PIDD1: variants seen among roughly 807,000 people sequenced by gnomAD.
PIDD1 encodes p53-induced death domain protein 1, also known as p53-induced death domain-containing protein 1.
A neutral mutation model predicts 80.0 loss-of-function variants in PIDD1; 72 were observed. That is an observed-to-expected ratio of 0.90 (90% confidence interval 0.74 to 1.09). PIDD1 has a LOEUF of 1.09. Ranked by LOEUF, PIDD1 falls within the 50% of genes least tolerant of loss-of-function variation. The probability of loss-of-function intolerance (pLI) is 0.00; values close to 1 mark genes in which losing one functional copy is unlikely to be tolerated. For synonymous variants in PIDD1, 655 were observed against 543.5 expected, an observed-to-expected ratio of 1.21 and a Z score of -2.85; for missense variants, 1,329 against 1,228.3, an observed-to-expected ratio of 1.08 and a Z score of -1.23.
chr11:807,564 T>A (rs540548725), upstream of PIDD1, among the ~76,000 whole-genome samples: 5 of 150,966 alleles, frequency 3.3e-5, no homozygotes, highest in African/African-American at 1.2e-4. Flanking sequence ...GATCACGAGG[T>A]CAGGAGATCG....
upstream of PIDD1, chr11:805,618 C>T (rs909304730): frequency 3.0e-6 from 3 of 985,296 alleles, no homozygotes; most frequent in African/African-American, 5.2e-5. Flanking sequence ...GCACCCACCC[C>T]TGCTACAAGC....
At chr11:808,576 T>G (rs1190748872), upstream of PIDD1, among the ~76,000 whole-genome samples, 1 of 152,148 alleles carries the variant, frequency 6.6e-6, no homozygotes, top group East Asian at 1.9e-4. Context: ...GGCACACGCC[T>G]GTGGTCTCCG....
chr11:799,930 G>C lies in PIDD1; in HGVS notation c.2359C>G (p.Leu787Val), dbSNP rs745884349. The C allele has an allele frequency of 2.5e-6, 4 of 1,612,678 alleles. No individual in the cohort carries two copies. In the South Asian group the frequency reaches 3.3e-5, roughly 13 times the overall value. Residue 787 changes from leucine (L) to valine (V), a missense_variant, in exon 15 of 16, where the codon CTG becomes GTG. By Grantham distance (32) the Leu-to-Val change is conservative. Transcript: ENST00000347755. Reference protein sequence around the residue: ...LNLGDAETGFLTQSNLLSVAG... With the variant: ...LNLGDAETGFVTQSNLLSVAG... ...ACACTCAGCAGGTTGCTCTGCGTCA[G>C]AAAGCCGGTCTCGGCATCTCCCAGA...
chr11:802,929 A>G (rs1257044395), intron 3 of PIDD1, 38 bp from the exon 4 acceptor site: 1 of 1,513,562 alleles, frequency 6.6e-7, no homozygotes. Flanking sequence ...GCACCAGCCC[A>G]GCCCACGGCG....
chr11:808,431 GA>G (rs559149082), upstream of PIDD1, among the ~76,000 whole-genome samples: 58 of 138,600 alleles, frequency 4.2e-4, no homozygotes, highest in South Asian at 1.6e-3. Flanking sequence ...CAGAAAAAAA[GA>G]AAAAAAAAAG....
chr11:803,693 C>T, intron 2 of PIDD1, 106 bp from the exon 3 acceptor site: 1 of 1,257,770 alleles, frequency 8.0e-7, no homozygotes, highest in Non-Finnish European at 1.1e-6. Flanking sequence ...GACCTCCCAC[C>T]CCACCCCCAC....
chr11:805,378 G>A (rs2133817098), upstream of PIDD1: 1 of 360,986 alleles, frequency 2.8e-6, no homozygotes, highest in East Asian at 1.6e-4. Flanking sequence ...CCCTCCGCCT[G>A]TCGCAGCCCC....
intron 3 of PIDD1, 46 bp downstream of exon 3, chr11:803,128 G>A (rs1243600266): frequency 7.2e-7 from 1 of 1,392,752 alleles, no homozygotes; most frequent in East Asian, 2.3e-5. Flanking sequence ...CAGGCTTCAG[G>A]GACCCTCCCG....
In PIDD1 at chr11:801,458, C is replaced by G. The variant is rs768597585; in HGVS notation, c.1469G>C (p.Arg490Pro). 2 of 1,544,726 alleles carry G rather than the reference C, an allele frequency of 1.3e-6. No homozygotes were observed. Among genetic ancestry groups the G allele is most frequent in the Non-Finnish European group, 1.7e-6 (2 of 1,142,970 alleles). The change falls in exon 8 of 16, where the codon CGA (arginine) becomes CCA (proline). Residue 490 changes from arginine (R) to proline (P), a missense_variant. Coordinates refer to ENST00000347755, the MANE Select transcript of PIDD1 (RefSeq NM_145886.4). ...TCCTGGCCATACCTGCATGGAGACT[C>G]GACGAGGCTCCTCAGTGGCCCCAGG... ...FPPGATEEPR[R>P]VSMQVVRMAG... is the part of the protein sequence containing the mutation.
intron 15 of PIDD1, 45 bp downstream of exon 15, chr11:799,770 G>A: frequency 1.4e-6 from 2 of 1,459,440 alleles, no homozygotes; most frequent in Non-Finnish European, 1.8e-6. Flanking sequence ...AGGCAGCCAG[G>A]GCTCAGCCCT....
intron 2 of PIDD1, 150 bp from the exon 3 acceptor site, chr11:803,737 T>C (rs1231088151): frequency 2.3e-6 from 2 of 856,750 alleles, no homozygotes; most frequent in African/African-American, 1.9e-5. Context: ...ACAGAAACAC[T>C]GGAGAGGTGC....
At chr11:805,374 G>T, upstream of PIDD1, 1 of 355,654 alleles carries the variant, frequency 2.8e-6, no homozygotes, top group Non-Finnish European at 3.9e-6. Context: ...CCTTCCCTCC[G>T]CCTGTCGCAG....
At position 799,896 on chromosome 11, in the gene PIDD1, C is replaced by T. The variant is rs749532519; in HGVS notation, c.2393G>A (p.Arg798His). Reference sequence around the variant, plus strand: ...CACGGCTGGCCAGTCCAGACCCAGACGCCCAGCCACACTCAGCAGGTTGCT... The same window carrying T: ...CACGGCTGGCCAGTCCAGACCCAGATGCCCAGCCACACTCAGCAGGTTGCT... ...TQSNLLSVAG[R>H]LGLDWPAVAL... Residue 798 changes from arginine (R) to histidine (H), a missense_variant, in exon 15 of 16, where the codon CGT becomes CAT. Transcript: ENST00000347755. The T allele has an allele frequency of 3.0e-5, 49 of 1,612,088 alleles. No individual in the cohort carries two copies. Among genetic ancestry groups the T allele is most frequent in the Middle Eastern group, 1.6e-4 (1 of 6,084 alleles).
In PIDD1 at chr11:799,505, C is replaced by A. The variant is rs1442782367; in HGVS notation, c.2535G>T (p.Gly845=). 6.2e-7 allele frequency: 1 copy of A among 1,606,882 alleles called. No homozygotes were observed. The highest frequency in any genetic ancestry group is 2.2e-5 in the East Asian group (1 of 44,874). ...MLFSWAERQA[G]QPGAVGLLVQ... is the part of the protein sequence containing the mutation. ...CCAGGAGCCCCACAGCCCCTGGCTGCCCAGCCTGGCGCTCAGCCCAGGAGA... is the reference window on the plus strand; with the variant it reads ...CCAGGAGCCCCACAGCCCCTGGCTGACCAGCCTGGCGCTCAGCCCAGGAGA... Residue 845 remains glycine (G), a synonymous_variant, in exon 16 of 16, where the codon GGG becomes GGT. Coordinates refer to ENST00000347755, the MANE Select transcript of PIDD1 (RefSeq NM_145886.4).
intron 7 of PIDD1, 56 bp downstream of exon 7, chr11:801,908 GC>G: frequency 6.3e-7 from 1 of 1,580,618 alleles, no homozygotes; most frequent in Non-Finnish European, 8.6e-7. Flanking sequence ...GGGCAGAGGT[GC>G]ACGGCTCAGG....
chr11:803,112 G>T, intron 3 of PIDD1, 62 bp downstream of exon 3: 1 of 1,256,328 alleles, frequency 8.0e-7, no homozygotes, highest in South Asian at 1.4e-5. Flanking sequence ...CCCTGCAGAA[G>T]ACAGGCAGGC....
chr11:806,020 AC>A (rs1865753757), upstream of PIDD1: 1 of 150,442 alleles, frequency 6.6e-6, no homozygotes, highest in African/African-American at 2.5e-5. Flanking sequence ...AATGGCGTGA[AC>A]CCGGGAGGCG....
chr11:804,220 G>T lies in PIDD1; in HGVS notation c.169C>A (p.Gln57Lys), dbSNP rs745383164. 6.2e-7 allele frequency: 1 copy of T among 1,613,128 alleles called. No individual in the cohort carries two copies. The highest frequency in any genetic ancestry group is 8.5e-7 in the Non-Finnish European group (1 of 1,179,906). Residue 57 changes from glutamine to lysine, a missense_variant, in exon 2 of 16, where the codon CAG becomes AAG. Transcript: ENST00000347755. ...CQQLLHLCVQ[Q>K]PLQLLQVEFL... ...TCCACCTGCAGCAGCTGCAGAGGCT[G>T]CTGGACACACAGGTGCAGCAGCTGC...
Position 801,222 on chromosome 11 carries a change from G to T in PIDD1, c.1626C>A (p.Ile542=), listed in dbSNP as rs1449554027. ...TGCCCCATGGCTGCCTCTCACCTGT[G>T]ATGCCAGAGGGCAGAGGCAGCTGCA... The part of the protein sequence containing the change: ...VTVQLPLPSG[I]TGLSLDRSRL... Residue 542 remains isoleucine, a synonymous_variant, in exon 9 of 16, where the codon ATC becomes ATA. Coordinates refer to ENST00000347755, the MANE Select transcript of PIDD1 (RefSeq NM_145886.4). The T allele has an allele frequency of 4.1e-5, 64 of 1,551,454 alleles. No individual in the cohort carries two copies. The highest frequency in any genetic ancestry group is 5.6e-5 in the Non-Finnish European group (64 of 1,145,912).
Sources: gnomAD v4.1 joint callset for allele counts (sites outside exome capture counted in the v4.1 genomes callset) on GRCh38, gnomAD v4.1.1 for gene constraint, MANE v1.5 for transcripts, NCBI Gene and HGNC (gene_info 2026-07-23, HGNC 2026-07-21) for gene names.